GRIK2: variants seen among roughly 807,000 people sequenced by gnomAD.
The protein encoded by GRIK2 is glutamate receptor ionotropic, kainate 2.
In GRIK2, 32 loss-of-function variants were observed where a neutral mutation model predicts 100.3. The ratio of observed to expected loss-of-function variants is 0.32; its 90% CI spans 0.24 to 0.43. The LOEUF is 0.43. Ranked by LOEUF, GRIK2 falls within the 20% of genes least tolerant of loss-of-function variation. The pLI, the probability that GRIK2 is intolerant of heterozygous loss-of-function variation, is 1.00. For missense variants in GRIK2, 843 were observed against 1,114.9 expected (o/e 0.76, Z 3.47); for synonymous variants, 417 against 389.4 (o/e 1.07, Z -0.83).
chr6:101,394,570 A>G (rs1774929938), intron 1 of GRIK2, among the ~76,000 whole-genome samples: 1 of 152,198 alleles, frequency 6.6e-6, no homozygotes, highest in African/African-American at 2.4e-5. Flanking sequence ...ATTATCTTCT[A>G]TCGTTTATTC....
chr6:101,544,008 A>AT (rs1213504575), intron 2 of GRIK2, among the ~76,000 whole-genome samples: 9 of 152,264 alleles, frequency 5.9e-5, no homozygotes, highest in African/African-American at 2.2e-4. Flanking sequence ...CTGGTTGAGC[A>AT]TATGTCAAGA....
At chr6:101,845,474 T>C (rs1395447876) in intron 10 of GRIK2, among the ~76,000 whole-genome samples, 2 of 152,220 alleles carry the variant, frequency 1.3e-5, no homozygotes, top group Admixed American at 1.3e-4. Context: ...TCATCCATGC[T>C]GTAACATGTA....
At position 102,069,446 on chromosome 6, in the gene GRIK2, T is replaced by TAAC. The variant is rs1772166823; in HGVS notation, c.*937_*939dup. 6.6e-6 allele frequency: 1 copy of TAAC among 151,820 alleles called. No individual in the cohort carries two copies. The highest frequency in any genetic ancestry group is 1.5e-5 in the Non-Finnish European group (1 of 67,918). The allele number at this position is 151,820 out of a possible 1,614,324, so 9.4% of individuals were successfully genotyped here. ...GTGTGGAAGACTAAAGCTTTCATTC[T>TAAC]AACATTCAGACATAGCAATCCAAAC... On this transcript the variant is annotated 3_prime_UTR_variant, in exon 17 of 17. Coordinates refer to ENST00000369134, the MANE Select transcript of GRIK2 (RefSeq NM_021956.5).
At chr6:101,764,908 C>CTG (rs561704365) in intron 7 of GRIK2, among the ~76,000 whole-genome samples, 2,030 of 151,798 alleles carry the variant, frequency 0.013, 43 homozygotes, top group African/African-American at 0.045. Flanking sequence ...CTTCATTTTT[C>CTG]TGTGTGTGTG....
At chr6:101,741,121 C>A (rs890302737) in intron 7 of GRIK2, among the ~76,000 whole-genome samples, 4 of 152,166 alleles carry the variant, frequency 2.6e-5, no homozygotes, top group African/African-American at 9.7e-5. Flanking sequence ...TGCAAGTATG[C>A]AACTAGGAAA....
In GRIK2 at chr6:101,647,177, G is replaced by A. The variant is rs577899249; in HGVS notation, c.541+20540G>A. The stretch of plus-strand genomic sequence containing the variant: ...CTAATAGTCAGGTTCTTCACTGAAC[G>A]CTATACCTGTTCATAACAGACACAA... On this transcript the variant is annotated intron_variant, in intron 4 of 16. Transcript: ENST00000369134. Among the ~76,000 whole-genome samples, 4 of 152,054 alleles carry A rather than the reference G, an allele frequency of 2.6e-5. No individual in the cohort carries two copies. The South Asian group carries it at 8.3e-4, about 32-fold the overall frequency.
At chr6:101,836,762 T>C (rs1441250070) in intron 10 of GRIK2, among the ~76,000 whole-genome samples, 1 of 142,234 alleles carries the variant, frequency 7.0e-6, no homozygotes, top group African/African-American at 2.6e-5. Flanking sequence ...GCCTCCAGGG[T>C]TTAAGTGATT....
chr6:101,501,672 A>G (rs963547103), intron 2 of GRIK2, among the ~76,000 whole-genome samples: 1 of 152,212 alleles, frequency 6.6e-6, no homozygotes, highest in South Asian at 2.1e-4. Context: ...ATCTGTAGAA[A>G]GAACTATAGT....
At chr6:102,001,261 C>T (rs180883705) in intron 14 of GRIK2, among the ~76,000 whole-genome samples, 1 of 150,782 alleles carries the variant, frequency 6.6e-6, no homozygotes, top group East Asian at 2.0e-4. Flanking sequence ...CACAGGTATA[C>T]ATGTGCCATG....
chr6:101,786,636 A>G (rs75643080), intron 7 of GRIK2, among the ~76,000 whole-genome samples: 7,987 of 152,162 alleles, frequency 0.052, 491 homozygotes, highest in African/African-American at 0.15. Context: ...TCCTGGAATA[A>G]ATTCCACTTG....
intron 14 of GRIK2, among the ~76,000 whole-genome samples, chr6:101,942,732 T>C (rs1791031273): frequency 6.6e-6 from 1 of 152,160 alleles, no homozygotes; most frequent in Non-Finnish European, 1.5e-5. Flanking sequence ...TGGCCTGGCT[T>C]CTACTAACAG....
At chr6:102,029,173 C>T (rs1184978929) in intron 14 of GRIK2, among the ~76,000 whole-genome samples, 1 of 151,026 alleles carries the variant, frequency 6.6e-6, no homozygotes, top group Non-Finnish European at 1.5e-5. Context: ...GCCAGAGGAC[C>T]TTCAAAGACT....
At chr6:102,023,130 C>T (rs13203019) in intron 14 of GRIK2, among the ~76,000 whole-genome samples, 41,008 of 150,642 alleles carry the variant, frequency 0.27, 5,967 homozygotes, top group East Asian at 0.34. Flanking sequence ...TGATCATTGG[C>T]ATATTTTCTC....
At chr6:101,509,789 G>A (rs532194128) in intron 2 of GRIK2, among the ~76,000 whole-genome samples, 9 of 152,218 alleles carry the variant, frequency 5.9e-5, no homozygotes, top group African/African-American at 2.2e-4. Context: ...TTCACAAATT[G>A]GTATTTTCTG....
intron 14 of GRIK2, among the ~76,000 whole-genome samples, chr6:101,955,683 A>G (rs993329573): frequency 6.7e-6 from 1 of 148,576 alleles, no homozygotes; most frequent in Non-Finnish European, 1.5e-5. Context: ...CATTTCATCT[A>G]TATTGTCTAA....
intron 3 of GRIK2, among the ~76,000 whole-genome samples, chr6:101,624,558 G>T (rs1765126): frequency 2.6e-5 from 4 of 152,020 alleles, no homozygotes; most frequent in African/African-American, 9.6e-5. Flanking sequence ...GAAAACTGAG[G>T]GAAAATAGCA....
chr6:101,452,287 T>C (rs1251529707), intron 2 of GRIK2, among the ~76,000 whole-genome samples: 1 of 151,758 alleles, frequency 6.6e-6, no homozygotes, highest in African/African-American at 2.4e-5. Flanking sequence ...GTAGCAATAG[T>C]AAAAACCCTA....
At chr6:101,730,008 T>C (rs1775148561) in intron 7 of GRIK2, among the ~76,000 whole-genome samples, 1 of 151,914 alleles carries the variant, frequency 6.6e-6, no homozygotes, top group African/African-American at 2.4e-5. Context: ...TGGCCTTAGG[T>C]TTTTTAGATC....
rs1362702365 is a variant in GRIK2 at position 101,818,290 on chromosome 6, A to G, written c.1204-80A>G. 8 of 748,764 alleles carry G rather than the reference A, an allele frequency of 1.1e-5. No individual in the cohort carries two copies. The Admixed American group carries it at 1.9e-4, about 18-fold the overall frequency. The allele number at this position is 748,764 out of a possible 1,614,324, so 46.4% of individuals were successfully genotyped here. On this transcript the variant is annotated intron_variant, in intron 9 of 16. Coordinates refer to ENST00000369134, the MANE Select transcript of GRIK2 (RefSeq NM_021956.5). ...GCAGCAAAGGTGAATAATAAGTGTT[A>G]GCAATCTTAACTTTCTTTTGCAGTA...
Sources: allele counts gnomAD v4.1 joint callset (sites outside exome capture counted in the v4.1 genomes callset), GRCh38; gene constraint gnomAD v4.1.1; transcripts MANE v1.5; gene names NCBI Gene and HGNC (gene_info 2026-07-23, HGNC 2026-07-21).